Variants in GRIK5 observed in about 807,000 individuals in gnomAD.
The protein encoded by GRIK5 is glutamate ionotropic receptor kainate type subunit 5.
A neutral mutation model predicts 97.4 loss-of-function variants in GRIK5; 43 were observed. The observed-to-expected ratio is 0.44, with a 90% CI of 0.35 to 0.57. The LOEUF (loss-of-function observed/expected upper bound fraction) is 0.57. Ranked by LOEUF, GRIK5 falls within the 20% of genes least tolerant of loss-of-function variation. The probability of loss-of-function intolerance (pLI) is 0.01; values close to 1 mark genes in which losing one functional copy is unlikely to be tolerated. For missense variants in GRIK5, 1,015 were observed against 1,382.0 expected (o/e 0.73, Z 4.21); for synonymous variants, 580 against 583.5 (o/e 0.99, Z 0.09).
At chr19:42,004,910 C>T (rs2075467225) in intron 17 of GRIK5, among the ~76,000 whole-genome samples, 1 of 152,144 alleles carries the variant, frequency 6.6e-6, no homozygotes, top group Non-Finnish European at 1.5e-5. Flanking sequence ...CCACAGTGGC[C>T]AGCCGGAACT....
intron 15 of GRIK5, among the ~76,000 whole-genome samples, chr19:42,012,250 G>A (rs1224756806): frequency 6.6e-6 from 1 of 151,148 alleles, no homozygotes; most frequent in South Asian, 2.1e-4. Flanking sequence ...ATGTATGTAT[G>A]TATGTATTTA....
In GRIK5 at chr19:41,998,847, G is replaced by A; in HGVS notation, c.*24C>T. 2 of 1,108,872 alleles carry A rather than the reference G, an allele frequency of 1.8e-6. No homozygotes were observed. The highest frequency in any genetic ancestry group is 4.4e-5 in the South Asian group (1 of 22,802). The allele number at this position is 1,108,872 out of a possible 1,614,324, so 68.7% of individuals were successfully genotyped here. On this transcript the variant is annotated 3_prime_UTR_variant, in exon 20 of 20. Transcript: ENST00000593562. ...GGCCCCGTCCCTTCGGTCAGTCCGGGCGCCCGCACAGCCCCGCCCGTGGTC... is the reference window on the plus strand; with the variant it reads ...GGCCCCGTCCCTTCGGTCAGTCCGGACGCCCGCACAGCCCCGCCCGTGGTC...
chr19:42,061,634 C>T (rs2076260855), intron 5 of GRIK5, among the ~76,000 whole-genome samples: 1 of 152,224 alleles, frequency 6.6e-6, no homozygotes, highest in Admixed American at 6.5e-5. Flanking sequence ...CCCGATGAAT[C>T]GTGTTCCTCC....
In GRIK5 at chr19:42,022,456, G is replaced by A. The variant is rs890342904; in HGVS notation, c.1474-102C>T. 59 of 1,015,604 alleles carry A rather than the reference G, an allele frequency of 5.8e-5. No individual in the cohort carries two copies. The highest frequency in any genetic ancestry group is 8.8e-5 in the Admixed American group (3 of 34,140). The allele number at this position is 1,015,604 out of a possible 1,614,324, so 62.9% of individuals were successfully genotyped here. A position where few individuals can be genotyped will look rare whatever the true frequency, so the allele number is the denominator to read the frequency against. On this transcript the variant is annotated intron_variant, in intron 12 of 19. Coordinates refer to ENST00000593562, the MANE Select transcript of GRIK5 (RefSeq NM_002088.5). This position sits in a 1 kb window ranked among gnomAD's most constrained non-coding sequence, Gnocchi z 4.2. ...CGGAGAGTGAGCAACTGAGGGAGGC[G>A]AGAGAGAGAGAGGTAGGGAGGGGGA...
At chr19:42,028,196 C>T (rs1046246709) in intron 12 of GRIK5, among the ~76,000 whole-genome samples, 10 of 152,104 alleles carry the variant, frequency 6.6e-5, no homozygotes, top group African/African-American at 1.7e-4. Flanking sequence ...CCTACCCTGA[C>T]GGGCCCCCTC....
intron 7 of GRIK5, 38 bp from the exon 8 acceptor site, chr19:42,056,861 C>G: frequency 6.2e-7 from 1 of 1,613,378 alleles, no homozygotes; most frequent in Non-Finnish European, 8.5e-7. Flanking sequence ...TGGGGCTAAG[C>G]CCTAATGGGA....
chr19:42,047,385 C>G (rs2076055732), intron 11 of GRIK5, among the ~76,000 whole-genome samples: 1 of 151,126 alleles, frequency 6.6e-6, no homozygotes, highest in Admixed American at 6.6e-5. Context: ...ATAAAAATAA[C>G]TTATAAAAAA....
intron 11 of GRIK5, among the ~76,000 whole-genome samples, chr19:42,043,122 A>G (rs2075999898): frequency 6.6e-6 from 1 of 152,190 alleles, no homozygotes. Context: ...ATTACAATTC[A>G]CAGTAAAAGA....
At chr19:42,056,096 C>T (rs1442862822) in intron 8 of GRIK5, among the ~76,000 whole-genome samples, 4 of 152,046 alleles carry the variant, frequency 2.6e-5, no homozygotes, top group African/African-American at 4.8e-5. Flanking sequence ...AGTGATTCTT[C>T]CACCTCAGCC....
chr19:42,060,424 G>A (rs1165778246), intron 5 of GRIK5, among the ~76,000 whole-genome samples: 1 of 152,166 alleles, frequency 6.6e-6, no homozygotes, highest in Admixed American at 6.5e-5. Flanking sequence ...AAGCAGAAAT[G>A]AGTTATGAAG....
chr19:42,066,499 A>C (rs1411030701), intron 1 of GRIK5, among the ~76,000 whole-genome samples: 1 of 151,608 alleles, frequency 6.6e-6, no homozygotes, highest in Non-Finnish European at 1.5e-5. Context: ...AAAGAGAGAG[A>C]AGGGAGGAAA....
At chr19:42,066,726 G>T (rs1484268859) in intron 1 of GRIK5, among the ~76,000 whole-genome samples, 1 of 152,018 alleles carries the variant, frequency 6.6e-6, no homozygotes, top group African/African-American at 2.4e-5. Flanking sequence ...GCAAGATAAA[G>T]AAAGGACAGA....
chr19:42,017,587 A>G (rs2075639898), intron 15 of GRIK5, among the ~76,000 whole-genome samples: 1 of 152,256 alleles, frequency 6.6e-6, no homozygotes, highest in African/African-American at 2.4e-5. Flanking sequence ...AGGAACCCAC[A>G]GCAAATGAAA....
chr19:42,000,328 G>A (rs2075414009), intron 19 of GRIK5, among the ~76,000 whole-genome samples: 1 of 152,206 alleles, frequency 6.6e-6, no homozygotes, highest in South Asian at 2.1e-4. Context: ...ACCCGGGCAG[G>A]AGATAGGGAT....
chr19:42,030,651 A>T (rs1413213027), intron 12 of GRIK5, among the ~76,000 whole-genome samples: 1 of 151,088 alleles, frequency 6.6e-6, no homozygotes, highest in Admixed American at 6.6e-5. Flanking sequence ...TTTAGTAGAG[A>T]CAAGGTCCTG....
At chr19:42,036,607 C>G (rs538031675) in intron 12 of GRIK5, among the ~76,000 whole-genome samples, 1 of 152,024 alleles carries the variant, frequency 6.6e-6, no homozygotes, top group Middle Eastern at 3.4e-3. Context: ...CCTCCCACTT[C>G]GGCCTCCCAA....
At chr19:42,068,330 C>G (rs185660838) in intron 1 of GRIK5, 95 of 160,536 alleles carry the variant, frequency 5.9e-4, no homozygotes, top group Admixed American at 3.1e-3. Flanking sequence ...AGCAGGAGAT[C>G]CTGGGGCCTG....
chr19:42,068,194 G>T (rs2076366285), intron 1 of GRIK5, among the ~76,000 whole-genome samples: 1 of 152,142 alleles, frequency 6.6e-6, no homozygotes, highest in Admixed American at 6.5e-5. Flanking sequence ...GAGGGAAACT[G>T]AGGTGGGGAG....
chr19:42,015,543 T>G (rs780673562), intron 15 of GRIK5, among the ~76,000 whole-genome samples: 2 of 152,260 alleles, frequency 1.3e-5, no homozygotes, highest in African/African-American at 2.4e-5. Context: ...AATGCCTTGC[T>G]GCGTGACCTT....
Sources: gnomAD v4.1 joint callset for allele counts (sites outside exome capture counted in the v4.1 genomes callset) on GRCh38, gnomAD v4.1.1 for gene constraint, Gnocchi (gnomAD v3.1) non-coding constraint, MANE v1.5 for transcripts, NCBI Gene and HGNC (gene_info 2026-07-23, HGNC 2026-07-21) for gene names.